The following MAN2B2 variants were observed in gnomAD, a reference collection of about 807,000 sequenced individuals.
MAN2B2 encodes the protein mannosidase alpha class 2B member 2, also known as epididymis-specific alpha-mannosidase.
MAN2B2 carries 106 observed loss-of-function variants against 117.1 expected under a neutral mutation model. The observed-to-expected ratio is 0.90, with a 90% CI of 0.77 to 1.06. MAN2B2 has a LOEUF of 1.06. MAN2B2 is among the 50% of genes least tolerant of loss of function. MAN2B2 has a pLI of 0.00. For missense variants in MAN2B2, 1,326 were observed against 1,381.4 expected, an observed-to-expected ratio of 0.96 and a Z score of 0.64; for synonymous variants, 544 against 595.1, an observed-to-expected ratio of 0.91 and a Z score of 1.25.
At chr4:6,581,652 C>T (rs1395424351) in intron 3 of MAN2B2, among the ~76,000 whole-genome samples, 1 of 151,590 alleles carries the variant, frequency 6.6e-6, no homozygotes, top group East Asian at 1.9e-4. Flanking sequence ...GCCCCTGCCT[C>T]GAGGCAGGCC....
chr4:6,583,778 G>A (rs527701816), intron 3 of MAN2B2, among the ~76,000 whole-genome samples: 12 of 152,362 alleles, frequency 7.9e-5, no homozygotes, highest in African/African-American at 2.9e-4. Flanking sequence ...GTCAAGTGCT[G>A]TATTGATCCT....
At chr4:6,600,803 C>T (rs372884509) in intron 10 of MAN2B2, 47 bp downstream of exon 10, 11 of 1,606,312 alleles carry the variant, frequency 6.8e-6, no homozygotes, top group Non-Finnish European at 9.3e-6. Context: ...GCTTGCTGAA[C>T]CTGCTCTGGG....
intron 2 of MAN2B2, among the ~76,000 whole-genome samples, chr4:6,577,725 C>T (rs1726123550): frequency 6.6e-6 from 1 of 152,248 alleles, no homozygotes; most frequent in Admixed American, 6.5e-5. Context: ...CCCCACCAAA[C>T]CCAGTGGTCT....
In MAN2B2 at chr4:6,597,416, C is replaced by T. The variant is rs1366827037; in HGVS notation, c.1248+113C>T. ...CTGGGGCACTAGAGGCCCCACTTTA[C>T]AGAGGGGAAACTGAGGTTCCCTTTG... On this transcript the variant is annotated intron_variant, in intron 8 of 18. Transcript: ENST00000285599. 5 of 1,170,364 alleles carry T rather than the reference C, an allele frequency of 4.3e-6. No individual in the cohort carries two copies. In the African/African-American group the frequency reaches 8.0e-5, roughly 19 times the overall value. The allele number at this position is 1,170,364 out of a possible 1,614,324, so 72.5% of individuals were successfully genotyped here. A position where few individuals can be genotyped will look rare whatever the true frequency, so the allele number is the denominator to read the frequency against.
chr4:6,581,530 G>C (rs200496067), intron 3 of MAN2B2, among the ~76,000 whole-genome samples: 1 of 152,036 alleles, frequency 6.6e-6, no homozygotes, highest in Admixed American at 6.6e-5. Context: ...AGGCATTCTG[G>C]CTGTGAATTA....
chr4:6,618,059 A>G (rs1433680864), intron 17 of MAN2B2: 3 of 155,264 alleles, frequency 1.9e-5, no homozygotes, highest in Non-Finnish European at 1.4e-5. Flanking sequence ...CATGTTGGTC[A>G]GGCTGGTCAC....
At chr4:6,577,489 G>T (rs929001669) in intron 2 of MAN2B2, among the ~76,000 whole-genome samples, 2 of 152,192 alleles carry the variant, frequency 1.3e-5, no homozygotes, top group Non-Finnish European at 2.9e-5. Flanking sequence ...ACCAGGCCCC[G>T]CCAGAGTCAC....
In MAN2B2 at chr4:6,576,848, C is replaced by A. The variant is rs983425528; in HGVS notation, c.285+124C>A. On this transcript the variant is annotated intron_variant, in intron 2 of 18. Transcript: ENST00000285599. ...TGGCATAAACCACAGGGCCAAAACC[C>A]CACCGGGCTATTCACAGCCTTGTTT... is the stretch of plus-strand genomic sequence containing the variant. 5 of 1,078,282 alleles carry A rather than the reference C, an allele frequency of 4.6e-6. No individual in the cohort carries two copies. In the African/African-American group the frequency reaches 7.8e-5, roughly 17 times the overall value. The allele number at this position is 1,078,282 out of a possible 1,614,324, so 66.8% of individuals were successfully genotyped here. A position where few individuals can be genotyped will look rare whatever the true frequency, so the allele number is the denominator to read the frequency against.
rs1726759767 is a variant in MAN2B2, at chr4:6,589,110, C to T, written c.630C>T (p.Ile210=). The change falls in exon 5 of 19, where the codon ATC becomes ATT. Residue 210 remains isoleucine, a synonymous_variant. Transcript: ENST00000285599. ...LSERQEIFTH[I]MDQYSYCTPS... is the part of the protein sequence containing the mutation. ...AGCGGCAGGAAATCTTCACGCACAT[C>T]ATGGACCAGTACAGCTACTGCACCC... The T allele has an allele frequency of 6.2e-7, 1 of 1,614,088 alleles. No homozygotes were observed. The highest frequency in any genetic ancestry group is 1.1e-5 in the South Asian group (1 of 91,082).
At chr4:6,611,305 A>G in intron 15 of MAN2B2, 27 bp downstream of exon 15, 2 of 1,569,538 alleles carry the variant, frequency 1.3e-6, no homozygotes, top group Non-Finnish European at 1.7e-6. Context: ...TCAGAGTAAC[A>G]TCATCACTGC....
At chr4:6,608,953 G>T (rs1436428505) in intron 11 of MAN2B2, among the ~76,000 whole-genome samples, 154 bp from the exon 12 acceptor site, 1 of 152,206 alleles carries the variant, frequency 6.6e-6, no homozygotes, top group African/African-American at 2.4e-5. Context: ...GGCTGTGGGT[G>T]GGGTCTCAGG....
intron 17 of MAN2B2, chr4:6,619,684 T>C (rs1712064951): frequency 4.7e-6 from 2 of 429,240 alleles, no homozygotes; most frequent in Non-Finnish European, 8.5e-6. Flanking sequence ...CTCCTCCAGC[T>C]CGGCCACCTG....
chr4:6,603,150 G>A (rs1023580404), intron 10 of MAN2B2, among the ~76,000 whole-genome samples: 20 of 152,184 alleles, frequency 1.3e-4, no homozygotes, highest in African/African-American at 4.6e-4. Context: ...CTTTAATGGA[G>A]GTGCCGATGT....
At position 6,605,163 on chromosome 4, in the gene MAN2B2, G is replaced by A. The variant is rs755356979; in HGVS notation, c.1648G>A (p.Glu550Lys). Reference protein sequence around the residue: ...YNIRPTAGAQEGTQEPAATVA... With the variant: ...YNIRPTAGAQKGTQEPAATVA... ...CATCAGACCCACTGCAGGGGCCCAA[G>A]AGGGCACCCAGGAGCCGGCTGCCAC... The change falls in exon 11 of 19, where the codon GAG (glutamate) becomes AAG (lysine). Residue 550 changes from glutamate (E) to lysine (K), a missense_variant. Transcript: ENST00000285599. The A allele has an allele frequency of 4.2e-5, 68 of 1,614,116 alleles. No individual in the cohort carries two copies. The South Asian group carries it at 6.7e-4, about 16-fold the overall frequency.
chr4:6,620,559 T>G, intron 18 of MAN2B2: 1 of 173,358 alleles, frequency 5.8e-6, no homozygotes, highest in Non-Finnish European at 1.3e-5. Flanking sequence ...GCCAAGTGCC[T>G]CCTCCACTCT....
Position 6,575,202 on chromosome 4 carries a change from G to GC in MAN2B2, c.-7dup. The GC allele has an allele frequency of 7.0e-7, 1 of 1,431,508 alleles. No individual in the cohort carries two copies. The highest frequency in any genetic ancestry group is 9.5e-7 in the Non-Finnish European group (1 of 1,057,756). 88.7% of individuals were successfully genotyped at this position (1,431,508 alleles called of 1,614,324 possible). On this transcript the variant is annotated 5_prime_UTR_variant, in exon 1 of 19. Coordinates refer to ENST00000285599, the MANE Select transcript of MAN2B2 (RefSeq NM_015274.3). ...AGTGGGCCTGGCACCTTCCCGGCCT[G>GC]CCGCAGGGATGGGGCAGCTGTGCTG...
chr4:6,617,292 C>G (rs1358618934), intron 16 of MAN2B2, 88 bp from the exon 17 acceptor site: 2 of 949,058 alleles, frequency 2.1e-6, no homozygotes, highest in South Asian at 2.9e-5. Context: ...GGAAATGGAG[C>G]TGAGTGTGTA....
In MAN2B2 at chr4:6,593,211, A is replaced by C; in HGVS notation, c.719A>C (p.Lys240Thr). The C allele has an allele frequency of 6.2e-7, 1 of 1,613,764 alleles. No individual in the cohort carries two copies. Among genetic ancestry groups the C allele is most frequent in the South Asian group, 1.1e-5 (1 of 91,042 alleles). ...FYWNGVAVFPKPPQDGVYPNM... is the reference protein window; with the variant it reads ...FYWNGVAVFPTPPQDGVYPNM... The stretch of plus-strand genomic sequence containing the variant: ...TGGAATGGCGTGGCTGTCTTCCCCA[A>C]GCCTCCCCAAGATGGGGTGTACCCC... Residue 240 changes from lysine (K) to threonine (T), a missense_variant, in exon 6 of 19, where the codon AAG (lysine) becomes ACG (threonine). Physicochemically the swap from Lys to Thr is moderately conservative, Grantham distance 78. Coordinates refer to ENST00000285599, the MANE Select transcript of MAN2B2 (RefSeq NM_015274.3).
At position 6,609,126 on chromosome 4, in the gene MAN2B2, C is replaced by T. The variant is rs151180999; in HGVS notation, c.1834C>T (p.Arg612Cys). The T allele has an allele frequency of 4.3e-5, 69 of 1,613,748 alleles. No homozygotes were observed. Among genetic ancestry groups the T allele is most frequent in the Non-Finnish European group, 5.4e-5 (64 of 1,179,870 alleles). The change falls in exon 12 of 19, where the codon CGC becomes TGC. Residue 612 changes from arginine (R) to cysteine (C), a missense_variant. Arg to Cys is a radical substitution (Grantham distance 180). Transcript: ENST00000285599. ...IWERQSNRTV[R>C]VTQEFLEYHV... ...CTGCAGACAGAGTAACCGAACGGTG[C>T]GCGTGACCCAGGAATTCCTGGAGTA...
Sources: allele counts gnomAD v4.1 joint callset (sites outside exome capture counted in the v4.1 genomes callset), GRCh38; gene constraint gnomAD v4.1.1; transcripts MANE v1.5; gene names NCBI Gene and HGNC (gene_info 2026-07-23, HGNC 2026-07-21).